STARD5: variants seen among roughly 807,000 people sequenced by gnomAD.
STARD5 encodes StAR related lipid transfer domain containing 5, also known as stAR-related lipid transfer protein 5.
Under a neutral mutation model 24.6 loss-of-function variants are expected in STARD5, and 26 were observed. The ratio of observed to expected loss-of-function variants is 1.06; its 90% CI spans 0.77 to 1.47. The LOEUF (loss-of-function observed/expected upper bound fraction) is 1.47. STARD5 is among the 40% of genes most tolerant of loss of function. The pLI, the probability that STARD5 is intolerant of heterozygous loss-of-function variation, is 0.00. For missense variants in STARD5, 254 were observed against 270.8 expected (o/e 0.94, Z 0.44); for synonymous variants, 101 against 99.7 (o/e 1.01, Z -0.07).
chr15:81,322,657 C>A, intron 2 of STARD5, 117 bp from the exon 3 acceptor site: 1 of 1,524,550 alleles, frequency 6.6e-7, no homozygotes, highest in Non-Finnish European at 8.9e-7. Context: ...TTAGGACAGA[C>A]TTGCAGAGAA....
At position 81,312,878 on chromosome 15, in the gene STARD5, ACAGT is replaced by A. The variant is rs572467523; in HGVS notation, c.*374_*377del. On this transcript the variant is annotated 3_prime_UTR_variant, in exon 6 of 6. Transcript: ENST00000302824. ...TCAGTGGCGATGATGATTCTCTATG[ACAGT>A]CAGGGAAACGTGGTCTCTGAGAGTG... 53 of 156,586 alleles carry A rather than the reference ACAGT, an allele frequency of 3.4e-4. No homozygotes were observed. Among genetic ancestry groups the A allele is most frequent in the African/African-American group, 1.2e-3 (50 of 41,734 alleles). The allele number at this position is 156,586 out of a possible 1,614,324, so 9.7% of individuals were successfully genotyped here. A position where few individuals can be genotyped will look rare whatever the true frequency, so the allele number is the denominator to read the frequency against.
intron 5 of STARD5, among the ~76,000 whole-genome samples, chr15:81,315,819 G>T (rs1358433992): frequency 6.6e-6 from 1 of 152,176 alleles, no homozygotes; most frequent in Admixed American, 6.5e-5. Context: ...AGAGGGTGGA[G>T]TGCAGACGAT....
In STARD5 at chr15:81,311,213, T is replaced by C. The variant is rs1020320335; in HGVS notation, c.*2043A>G. On this transcript the variant is annotated 3_prime_UTR_variant, in exon 6 of 6. Transcript: ENST00000302824. ...ACACTGCAGGCATCACAGCTAACAA[T>C]TGTGAAGTCGTCTTAACTCACCATA... 5 of 152,220 alleles carry C rather than the reference T, an allele frequency of 3.3e-5. No individual in the cohort carries two copies. The highest frequency in any genetic ancestry group is 1.9e-4 in the East Asian group (1 of 5,196). The allele number at this position is 152,220 out of a possible 1,614,324, so 9.4% of individuals were successfully genotyped here.
intron 5 of STARD5, among the ~76,000 whole-genome samples, chr15:81,316,707 AAG>A (rs1235022567): frequency 3.0e-4 from 46 of 152,344 alleles, no homozygotes; most frequent in African/African-American, 1.1e-3. Flanking sequence ...ACAGAATAAT[AAG>A]AGAATAATCA....
chr15:81,322,831 G>T, intron 2 of STARD5, 68 bp downstream of exon 2: 1 of 1,584,364 alleles, frequency 6.3e-7, no homozygotes, highest in Non-Finnish European at 8.7e-7. Flanking sequence ...ATTTTAGGAG[G>T]CAGGCCCATA....
chr15:81,319,220 T>A, intron 4 of STARD5, 119 bp downstream of exon 4: 1 of 910,700 alleles, frequency 1.1e-6, no homozygotes, highest in Non-Finnish European at 1.8e-6. Context: ...GGTAGGGGAC[T>A]CAGAGTGTGA....
intron 5 of STARD5, among the ~76,000 whole-genome samples, chr15:81,315,181 G>T (rs1204400903): frequency 6.6e-6 from 1 of 151,896 alleles, no homozygotes; most frequent in East Asian, 1.9e-4. Context: ...TCTCCTCCCT[G>T]CTCCTCCTCC....
Position 81,319,348 on chromosome 15 carries a change from T to C in STARD5, c.391A>G (p.Ser131Gly). The C allele has an allele frequency of 6.2e-7, 1 of 1,613,916 alleles. No individual in the cohort carries two copies. Among genetic ancestry groups the C allele is most frequent in the Admixed American group, 1.7e-5 (1 of 60,030 alleles). ...LVKRYEDGTISSNATHVEHPL... is the reference protein window; with the variant it reads ...LVKRYEDGTIGSNATHVEHPL... ...TCCGGGCATCACTCACCGTTGGAAC[T>C]GATGGTCCCATCCTCATATCTCTTG... Residue 131 changes from serine to glycine, a missense_variant, in exon 4 of 6, where the codon AGT becomes GGT. Coordinates refer to ENST00000302824, the MANE Select transcript of STARD5 (RefSeq NM_181900.3).
Position 81,324,107 on chromosome 15 carries a change from G to T in STARD5, c.-8C>A. On this transcript the variant is annotated 5_prime_UTR_variant, in exon 1 of 6. Coordinates refer to ENST00000302824, the MANE Select transcript of STARD5 (RefSeq NM_181900.3). ...TGCCAGCGCCGGGTCCATTGCGTCG[G>T]GAGCTGCGCTTAGCTGCGGGGTCGC... 2.1e-6 allele frequency: 3 copies of T among 1,420,842 alleles called. No individual in the cohort carries two copies. The highest frequency in any genetic ancestry group is 2.7e-5 in the East Asian group (1 of 37,400). 88.0% of individuals were successfully genotyped at this position (1,420,842 alleles called of 1,614,324 possible).
At chr15:81,315,170 C>T (rs1006562052) in intron 5 of STARD5, among the ~76,000 whole-genome samples, 3 of 152,142 alleles carry the variant, frequency 2.0e-5, no homozygotes, top group Non-Finnish European at 4.4e-5. Context: ...AGAGCCTTCT[C>T]TCTCCTCCCT....
chr15:81,322,625 A>G lies in STARD5; in HGVS notation c.150-85T>C, dbSNP rs915362186. The stretch of plus-strand genomic sequence containing the variant: ...GTATCTAAGGACTAGAAGGTGGACC[A>G]TGCCATGTCTGTCACTACTCTTTAG... On this transcript the variant is annotated intron_variant, in intron 2 of 5. Transcript: ENST00000302824. 3 of 1,591,410 alleles carry G rather than the reference A, an allele frequency of 1.9e-6. No individual in the cohort carries two copies. In the African/African-American group the frequency reaches 4.0e-5, roughly 21 times the overall value.
At chr15:81,319,527 T>G in intron 3 of STARD5, 71 bp from the exon 4 acceptor site, 1 of 1,383,930 alleles carries the variant, frequency 7.2e-7, no homozygotes, top group South Asian at 1.2e-5. Flanking sequence ...ACCCCATCCC[T>G]CAAGGTCTGG....
Position 81,309,067 on chromosome 15 carries a change from A to G in STARD5, c.*4189T>C, listed in dbSNP as rs1229753866. 1 of 363,690 alleles carries G rather than the reference A, an allele frequency of 2.7e-6. No homozygotes were observed. Among genetic ancestry groups the G allele is most frequent in the Non-Finnish European group, 4.9e-6 (1 of 203,456 alleles). The allele number at this position is 363,690 out of a possible 1,614,324, so 22.5% of individuals were successfully genotyped here. A position where few individuals can be genotyped will look rare whatever the true frequency, so the allele number is the denominator to read the frequency against. On this transcript the variant is annotated 3_prime_UTR_variant, in exon 6 of 6. Transcript: ENST00000302824. ...TAATGATAATATTGTGGTGCCACAA[A>G]TAAAATGGATTTATTAGAATTTCAT...
Position 81,318,496 on chromosome 15 carries a change from T to A in STARD5, c.407A>T (p.His136Leu), listed in dbSNP as rs1390839017. Reference sequence around the variant, plus strand: ...CGGGGGACATAACGGATGCTCCACATGGGTGGCTGGAAGACAGTGCAGAAT... The same window carrying A: ...CGGGGGACATAACGGATGCTCCACAAGGGTGGCTGGAAGACAGTGCAGAAT... ...EDGTISSNAT[H>L]VEHPLCPPKP... The change falls in exon 5 of 6, where the codon CAT (histidine) becomes CTT (leucine). Residue 136 changes from histidine to leucine, a missense_variant. His to Leu is a moderately conservative substitution (Grantham distance 99). Transcript: ENST00000302824. 6.2e-7 allele frequency: 1 copy of A among 1,613,690 alleles called. No homozygotes were observed. The highest frequency in any genetic ancestry group is 1.3e-5 in the African/African-American group (1 of 74,880).
In STARD5 at chr15:81,313,137, A is replaced by C; in HGVS notation, c.*119T>G. 3.2e-6 allele frequency: 4 copies of C among 1,242,634 alleles called. No homozygotes were observed. Among genetic ancestry groups the C allele is most frequent in the Non-Finnish European group, 4.3e-6 (4 of 930,912 alleles). The allele number at this position is 1,242,634 out of a possible 1,614,324, so 77.0% of individuals were successfully genotyped here. ...TGGCATTCTCAGAGATGCGCAGTCC[A>C]TCAGCTTGTTCCAAAGAGTGAACAC... On this transcript the variant is annotated 3_prime_UTR_variant, in exon 6 of 6. Transcript: ENST00000302824.
intron 5 of STARD5, among the ~76,000 whole-genome samples, chr15:81,314,633 C>T (rs141398836): frequency 5.5e-4 from 83 of 152,178 alleles, no homozygotes; most frequent in African/African-American, 1.9e-3. Context: ...GCCTGTAATC[C>T]CAGCACCTTT....
chr15:81,317,379 G>A (rs1901106630), intron 5 of STARD5, among the ~76,000 whole-genome samples: 1 of 152,138 alleles, frequency 6.6e-6, no homozygotes, highest in Non-Finnish European at 1.5e-5. Context: ...TGAAAGGTGA[G>A]TCTTAGCATC....
Position 81,319,441 on chromosome 15 carries a change from T to C in STARD5, c.298A>G (p.Arg100Gly), listed in dbSNP as rs1325463402. 6.2e-7 allele frequency: 1 copy of C among 1,614,210 alleles called. No homozygotes were observed. Among genetic ancestry groups the C allele is most frequent in the Admixed American group, 1.7e-5 (1 of 60,026 alleles). Residue 100 changes from arginine to glycine, a missense_variant, in exon 4 of 6, where the codon AGA (arginine) becomes GGA (glycine). Arg to Gly is a moderately radical substitution (Grantham distance 125). Coordinates refer to ENST00000302824, the MANE Select transcript of STARD5 (RefSeq NM_181900.3). ...ATGGCAGCGGAGGGAGTGGAGGTTC[T>C]GCTTACACACAGGGTCTGCCAAACC... The part of the protein sequence containing the change: ...QSITDTLCVS[R>G]TSTPSAAMKL...
chr15:81,314,420 C>T (rs889349426), intron 5 of STARD5, among the ~76,000 whole-genome samples: 3 of 152,162 alleles, frequency 2.0e-5, no homozygotes, highest in Non-Finnish European at 2.9e-5. Context: ...AACTTCTCAA[C>T]GGCCAGGACA....
Sources: allele counts gnomAD v4.1 joint callset (sites outside exome capture counted in the v4.1 genomes callset), GRCh38; gene constraint gnomAD v4.1.1; transcripts MANE v1.5; gene names NCBI Gene and HGNC (gene_info 2026-07-23, HGNC 2026-07-21).